Variants in FSTL4 observed in about 807,000 individuals in gnomAD.
FSTL4 encodes the protein follistatin like 4.
FSTL4 carries 28 observed loss-of-function variants against 78.2 expected under a neutral mutation model. The observed-to-expected ratio is 0.36, with a 90% CI of 0.27 to 0.49. The LOEUF is 0.49. FSTL4 is among the 20% of genes least tolerant of loss of function. The pLI is 0.98. For missense variants in FSTL4, 922 were observed against 1,084.9 expected, an observed-to-expected ratio of 0.85 and a Z score of 2.11; for synonymous variants, 422 against 440.5, an observed-to-expected ratio of 0.96 and a Z score of 0.53.
intron 3 of FSTL4, among the ~76,000 whole-genome samples, chr5:133,550,440 T>C (rs1315036125): frequency 1.3e-5 from 2 of 152,148 alleles, no homozygotes; most frequent in African/African-American, 4.8e-5. Context: ...TAGTCCCCCA[T>C]ACTACAGGCC....
intron 7 of FSTL4, among the ~76,000 whole-genome samples, chr5:133,246,249 T>C (rs569964706): frequency 1.2e-4 from 18 of 152,306 alleles, no homozygotes; most frequent in African/African-American, 4.3e-4. Context: ...CACCTCAGGC[T>C]GAGGGACTCT....
At chr5:133,396,936 C>T (rs1309091109) in intron 4 of FSTL4, among the ~76,000 whole-genome samples, 2 of 152,202 alleles carry the variant, frequency 1.3e-5, no homozygotes, top group Non-Finnish European at 2.9e-5. Flanking sequence ...CCCAAATCCA[C>T]CTGCAACCGC....
At chr5:133,319,681 T>G (rs1415910092) in intron 4 of FSTL4, among the ~76,000 whole-genome samples, 1 of 152,142 alleles carries the variant, frequency 6.6e-6, no homozygotes, top group Non-Finnish European at 1.5e-5. Context: ...GCACCGTACA[T>G]CATGCTGTTC....
At chr5:133,788,743 C>T in the FSTL4 span, among the ~76,000 whole-genome samples, 113,717 of 152,166 alleles carry the variant, frequency 0.75, 42,673 homozygotes, top group East Asian at 0.92. Context: ...GTTTTATTTA[C>T]GGTTTTTGTT....
At chr5:133,383,304 T>A (rs781029362) in intron 4 of FSTL4, among the ~76,000 whole-genome samples, 1 of 152,162 alleles carries the variant, frequency 6.6e-6, no homozygotes, top group Non-Finnish European at 1.5e-5. Context: ...CGCCTTCTCC[T>A]GCCAAAATTC....
chr5:133,620,585 T>C, the FSTL4 span, among the ~76,000 whole-genome samples: 1 of 152,204 alleles, frequency 6.6e-6, no homozygotes, highest in Non-Finnish European at 1.5e-5. Flanking sequence ...CAGCCTATTA[T>C]GGGCACAAAT....
chr5:133,719,581 G>A, the FSTL4 span, among the ~76,000 whole-genome samples: 1 of 150,940 alleles, frequency 6.6e-6, no homozygotes, highest in East Asian at 2.0e-4. Flanking sequence ...GCTGAGGCAG[G>A]AGAATTGCTT....
intron 4 of FSTL4, among the ~76,000 whole-genome samples, chr5:133,395,704 G>C (rs1580678571): frequency 1.3e-5 from 2 of 151,464 alleles, no homozygotes; most frequent in African/African-American, 2.5e-5. Flanking sequence ...CCGGAGACTG[G>C]AGGTACTTCA....
At chr5:133,581,278 G>A (rs1760399921) in intron 2 of FSTL4, among the ~76,000 whole-genome samples, 1 of 152,158 alleles carries the variant, frequency 6.6e-6, no homozygotes, top group African/African-American at 2.4e-5. Context: ...GTTTACTTAG[G>A]ACCTGGCCCA....
chr5:133,213,411 C>G (rs1241289419), intron 13 of FSTL4, among the ~76,000 whole-genome samples: 1 of 152,140 alleles, frequency 6.6e-6, no homozygotes, highest in African/African-American at 2.4e-5. Flanking sequence ...GAATTAATGG[C>G]AAATGTGTGG....
chr5:133,316,922 C>T (rs1449328778), intron 4 of FSTL4, among the ~76,000 whole-genome samples: 1 of 152,170 alleles, frequency 6.6e-6, no homozygotes, highest in Non-Finnish European at 1.5e-5. Flanking sequence ...AGCACCACTA[C>T]AAGCCAGACT....
chr5:133,508,746 G>A (rs1439773776), intron 3 of FSTL4, among the ~76,000 whole-genome samples: 1 of 152,234 alleles, frequency 6.6e-6, no homozygotes, highest in Admixed American at 6.5e-5. Flanking sequence ...AACCACATGA[G>A]TGAGAAGCAA....
intron 4 of FSTL4, among the ~76,000 whole-genome samples, chr5:133,317,403 G>A (rs2126893201): frequency 6.6e-6 from 1 of 152,332 alleles, no homozygotes; most frequent in East Asian, 1.9e-4. Context: ...TGGGATTGCA[G>A]GAGTGTCAGC....
the FSTL4 span, among the ~76,000 whole-genome samples, chr5:133,674,585 ATGTG>A: frequency 0.044 from 6,575 of 149,888 alleles, 374 homozygotes; most frequent in Middle Eastern, 0.13. Context: ...AGACTTCCAT[ATGTG>A]TGTGTGTGTG....
chr5:133,396,615 G>A (rs1756054524), intron 4 of FSTL4, among the ~76,000 whole-genome samples: 1 of 152,192 alleles, frequency 6.6e-6, no homozygotes, highest in Non-Finnish European at 1.5e-5. Flanking sequence ...TTCCCTGGCA[G>A]GACAGAGAAT....
At chr5:133,601,649 CT>C (rs1025039701) in intron 2 of FSTL4, among the ~76,000 whole-genome samples, 3 of 119,764 alleles carry the variant, frequency 2.5e-5, no homozygotes, top group African/African-American at 7.7e-5. Flanking sequence ...TCTCTGTTTT[CT>C]TTTTTTTCCT....
At chr5:133,697,149 T>A in the FSTL4 span, among the ~76,000 whole-genome samples, 2 of 152,326 alleles carry the variant, frequency 1.3e-5, no homozygotes, top group Non-Finnish European at 2.9e-5. Flanking sequence ...AGGGATATTA[T>A]ATAAGCAGCA....
chr5:133,423,120 C>T (rs750045594), intron 3 of FSTL4, among the ~76,000 whole-genome samples: 48 of 152,202 alleles, frequency 3.2e-4, no homozygotes, highest in Non-Finnish European at 5.7e-4. Context: ...AAAAGATCCC[C>T]TGGTATTTCT....
chr5:133,736,657 A>G, the FSTL4 span, among the ~76,000 whole-genome samples: 8 of 152,198 alleles, frequency 5.3e-5, no homozygotes, highest in African/African-American at 1.9e-4. Context: ...CACAGTGGAG[A>G]GAGAAGTGAG....
Sources: gnomAD v4.1 joint callset for allele counts (sites outside exome capture counted in the v4.1 genomes callset) on GRCh38, gnomAD v4.1.1 for gene constraint, MANE v1.5 for transcripts, NCBI Gene and HGNC (gene_info 2026-07-23, HGNC 2026-07-21) for gene names.